FHIP2B: variants seen among roughly 807,000 people sequenced by gnomAD.
FHIP2B encodes the protein FHF complex subunit HOOK-interacting protein 2B.
In FHIP2B, 72 loss-of-function variants were observed where a neutral mutation model predicts 84.0. The ratio of observed to expected loss-of-function variants is 0.86; its 90% CI spans 0.71 to 1.04. FHIP2B has a LOEUF of 1.04. FHIP2B is among the 50% of genes least tolerant of loss of function. FHIP2B has a pLI of 0.00. For synonymous variants in FHIP2B, 497 were observed against 418.7 expected, an observed-to-expected ratio of 1.19 and a Z score of -2.28; for missense variants, 972 against 968.9, an observed-to-expected ratio of 1.00 and a Z score of -0.04.
Position 22,089,222 on chromosome 8 carries a change from T to C in FHIP2B, c.-32T>C. Reference sequence around the variant, plus strand: ...CCGCCTAGAGCGCTGCCGCCGCCGCTTTCGCCCGGGAGCCGGGGGCCGGGC... The same window carrying C: ...CCGCCTAGAGCGCTGCCGCCGCCGCCTTCGCCCGGGAGCCGGGGGCCGGGC... On this transcript the variant is annotated 5_prime_UTR_variant, in exon 1 of 17. Transcript: ENST00000289921. The C allele has an allele frequency of 9.5e-7, 1 of 1,057,742 alleles. No homozygotes were observed. The highest frequency in any genetic ancestry group is 1.1e-6 in the Non-Finnish European group (1 of 877,920). The allele number at this position is 1,057,742 out of a possible 1,614,324, so 65.5% of individuals were successfully genotyped here. A position where few individuals can be genotyped will look rare whatever the true frequency, so the allele number is the denominator to read the frequency against.
chr8:22,102,263 C>T lies in FHIP2B; in HGVS notation c.1940C>T (p.Pro647Leu), dbSNP rs762032351. The change falls in exon 15 of 17, where the codon CCG becomes CTG. Residue 647 changes from proline (P) to leucine (L), a missense_variant. Transcript: ENST00000289921. ...CATATTCATGAGTACCTGCTGGATC[C>T]GTACATCAGCCTGGCCCCCGGCTGC... ...HPHIHEYLLD[P>L]YISLAPGCRS... The T allele has an allele frequency of 1.9e-6, 3 of 1,613,214 alleles. No individual in the cohort carries two copies. The highest frequency in any genetic ancestry group is 2.2e-5 in the East Asian group (1 of 44,878).
At chr8:22,101,980 G>A (rs1209647525) in intron 14 of FHIP2B, 129 bp downstream of exon 14, 1 of 1,499,778 alleles carries the variant, frequency 6.7e-7, no homozygotes, top group Non-Finnish European at 8.9e-7. Flanking sequence ...CCCCAGGTGG[G>A]AAGCCCCGTC....
rs1307927231 is a variant in FHIP2B, at chr8:22,097,796, C to G, written c.482C>G (p.Ser161Cys). Residue 161 changes from serine to cysteine, a missense_variant, in exon 5 of 17, where the codon TCC becomes TGC. Coordinates refer to ENST00000289921, the MANE Select transcript of FHIP2B (RefSeq NM_022749.7). ...EEVQFTTVLC[S>C]KIQQDPELLA... ...GTGCAGTTCACCACCGTCCTCTGCT[C>G]CAAGATCCAGCAGGACCCAGAGCTG... 1.2e-6 allele frequency: 2 copies of G among 1,613,472 alleles called. No individual in the cohort carries two copies. Among genetic ancestry groups the G allele is most frequent in the Non-Finnish European group, 8.5e-7 (1 of 1,179,842 alleles).
rs747418804 is a variant in FHIP2B at position 22,101,427 on chromosome 8, T to C, written c.1617-13T>C. ...GAGCCGGGAGCGCCTCCACACCGGC[T>C]TCTATCTCTCAGTTTCCTGTGCCTG... On this transcript the variant is annotated splice_polypyrimidine_tract_variant and intron_variant, in intron 12 of 16. Transcript: ENST00000289921. 3 of 1,599,598 alleles carry C rather than the reference T, an allele frequency of 1.9e-6. No individual in the cohort carries two copies. The highest frequency in any genetic ancestry group is 2.7e-5 in the African/African-American group (2 of 74,646).
chr8:22,092,302 G>A (rs1347298203), intron 1 of FHIP2B, among the ~76,000 whole-genome samples: 6 of 152,210 alleles, frequency 3.9e-5, no homozygotes, highest in South Asian at 4.1e-4. Flanking sequence ...GCCAATGGCC[G>A]GGTGTGGTGG....
chr8:22,100,650 G>A lies in FHIP2B; in HGVS notation c.1398G>A (p.Gly466=), dbSNP rs764585365. 11 of 1,602,474 alleles carry A rather than the reference G, an allele frequency of 6.9e-6. No homozygotes were observed. Among genetic ancestry groups the A allele is most frequent in the Middle Eastern group, 1.7e-4 (1 of 6,006 alleles). Residue 466 remains glycine (G), a synonymous_variant, in exon 11 of 17, where the codon GGG becomes GGA. Transcript: ENST00000289921. ...FEELLQKPHE[G]IIHSLVLRNL... The stretch of plus-strand genomic sequence containing the variant: ...AGCTGCTGCAGAAGCCCCACGAGGG[G>A]ATCATCCACAGCCTGGTCCTGCGCA...
At position 22,102,536 on chromosome 8, in the gene FHIP2B, G is replaced by T. The variant is rs760318408; in HGVS notation, c.2001G>T (p.Gly667=). ...SLFSVLVRVI[G]DLMQRIQRVP... is the part of the protein sequence containing the mutation. ...TGTGATTCCCGCTGTAGGTGATCGG[G>T]GACTTGATGCAGAGAATCCAGAGGG... Residue 667 remains glycine (G), a synonymous_variant, in exon 16 of 17, where the codon GGG becomes GGT. Coordinates refer to ENST00000289921, the MANE Select transcript of FHIP2B (RefSeq NM_022749.7). 1 of 1,558,008 alleles carries T rather than the reference G, an allele frequency of 6.4e-7. No homozygotes were observed. The highest frequency in any genetic ancestry group is 2.4e-5 in the East Asian group (1 of 41,396).
Position 22,099,871 on chromosome 8 carries a change from A to C in FHIP2B, c.1319A>C (p.His440Pro), listed in dbSNP as rs755148403. The C allele has an allele frequency of 6.2e-7, 1 of 1,611,776 alleles. No homozygotes were observed. Among genetic ancestry groups the C allele is most frequent in the South Asian group, 1.1e-5 (1 of 90,608 alleles). Reference sequence around the variant, plus strand: ...ACCCTGTATGCTCATCTCATCGGGCATTGTGACCACCTCTCTGATGAGGTA... The same window carrying C: ...ACCCTGTATGCTCATCTCATCGGGCCTTGTGACCACCTCTCTGATGAGGTA... ...PHTLYAHLIG[H>P]CDHLSDEISI... is the part of the protein sequence containing the mutation. The change falls in exon 10 of 17, where the codon CAT becomes CCT. Residue 440 changes from histidine to proline, a missense_variant. By Grantham distance (77) the His-to-Pro change is moderately conservative (BLOSUM62 -2). Coordinates refer to ENST00000289921, the MANE Select transcript of FHIP2B (RefSeq NM_022749.7).
At chr8:22,091,496 G>A (rs1201271953) in intron 1 of FHIP2B, among the ~76,000 whole-genome samples, 1 of 152,058 alleles carries the variant, frequency 6.6e-6, no homozygotes, top group Non-Finnish European at 1.5e-5. Flanking sequence ...CACCTGCCTT[G>A]GCCTCCCAAA....
chr8:22,089,417 G>A, intron 1 of FHIP2B, 119 bp downstream of exon 1: 1 of 473,504 alleles, frequency 2.1e-6, no homozygotes, highest in Non-Finnish European at 2.7e-6. Flanking sequence ...CCTCGGGCAG[G>A]GACCCCCGGG....
chr8:22,089,638 C>T (rs1361526921), intron 1 of FHIP2B: 1 of 511,486 alleles, frequency 2.0e-6, no homozygotes, highest in Non-Finnish European at 3.1e-6. Flanking sequence ...GTTTCCTGCC[C>T]CCCGGGGCCC....
chr8:22,102,839 T>A lies in FHIP2B; in HGVS notation c.2140T>A (p.Phe714Ile). Residue 714 changes from phenylalanine to isoleucine, a missense_variant, in exon 17 of 17, where the codon TTC (phenylalanine) becomes ATC (isoleucine). Phe to Ile is a conservative substitution (Grantham distance 21). Coordinates refer to ENST00000289921, the MANE Select transcript of FHIP2B (RefSeq NM_022749.7). ...CCAGGGCGTGGTGGTGCTGGAGGAGTTCTGCAAGGAGCTGGCTGCCATTGC... is the reference window on the plus strand; with the variant it reads ...CCAGGGCGTGGTGGTGCTGGAGGAGATCTGCAAGGAGCTGGCTGCCATTGC... ...LLQGVVVLEEFCKELAAIAFV... is the reference protein window; with the variant it reads ...LLQGVVVLEEICKELAAIAFV... The A allele has an allele frequency of 6.2e-7, 1 of 1,613,116 alleles. No individual in the cohort carries two copies. The highest frequency in any genetic ancestry group is 8.5e-7 in the Non-Finnish European group (1 of 1,179,724).
chr8:22,100,832 C>T lies in FHIP2B; in HGVS notation c.1488-12C>T, dbSNP rs1208736157. 2 of 1,613,756 alleles carry T rather than the reference C, an allele frequency of 1.2e-6. No homozygotes were observed. Among genetic ancestry groups the T allele is most frequent in the African/African-American group, 2.7e-5 (2 of 74,916 alleles). On this transcript the variant is annotated splice_polypyrimidine_tract_variant and intron_variant, in intron 11 of 16. Coordinates refer to ENST00000289921, the MANE Select transcript of FHIP2B (RefSeq NM_022749.7). The stretch of plus-strand genomic sequence containing the variant: ...CATTCACTGGTGCCGTACTGCTCTG[C>T]CCTGGCCACAGAGACCTGGAGGAAG...
chr8:22,089,743 C>T (rs1238760844), intron 1 of FHIP2B: 1 of 1,261,484 alleles, frequency 7.9e-7, no homozygotes, highest in Non-Finnish European at 1.0e-6. Flanking sequence ...GTCCCTTCCC[C>T]TCGGTCTGAT....
At position 22,103,032 on chromosome 8, in the gene FHIP2B, T is replaced by G; in HGVS notation, c.*101T>G. The stretch of plus-strand genomic sequence containing the variant: ...CACTCCCCTCCTGGGATGGGGCTTC[T>G]GCTCCCGGGCTCACTCAAGGAGACT... On this transcript the variant is annotated 3_prime_UTR_variant, in exon 17 of 17. Transcript: ENST00000289921. 1 of 1,427,104 alleles carries G rather than the reference T, an allele frequency of 7.0e-7. No homozygotes were observed. The allele number at this position is 1,427,104 out of a possible 1,614,324, so 88.4% of individuals were successfully genotyped here. A position where few individuals can be genotyped will look rare whatever the true frequency, so the allele number is the denominator to read the frequency against.
chr8:22,095,550 A>G (rs1825719120), intron 2 of FHIP2B: 1 of 152,270 alleles, frequency 6.6e-6, no homozygotes, highest in Non-Finnish European at 1.5e-5. Flanking sequence ...CCACCAGCTC[A>G]GTAAGATCAG....
rs1825991431 is a variant in FHIP2B, at chr8:22,099,653, CAT to C, written c.1152-50_1152-49del. 8 of 1,516,610 alleles carry C rather than the reference CAT, an allele frequency of 5.3e-6. No individual in the cohort carries two copies. The Admixed American group carries it at 6.8e-5, about 13-fold the overall frequency. 93.9% of individuals were successfully genotyped at this position (1,516,610 alleles called of 1,614,324 possible). A position where few individuals can be genotyped will look rare whatever the true frequency, so the allele number is the denominator to read the frequency against. On this transcript the variant is annotated intron_variant, in intron 9 of 16. Coordinates refer to ENST00000289921, the MANE Select transcript of FHIP2B (RefSeq NM_022749.7). ...CAGGAAGGGTTCGGCCACCCGCACT[CAT>C]GTGCTGTCTGCACACACCGGGCCTG...
In FHIP2B at chr8:22,103,013, C is replaced by A; in HGVS notation, c.*82C>A. On this transcript the variant is annotated 3_prime_UTR_variant, in exon 17 of 17. Transcript: ENST00000289921. ...CTGCCTGGCACTGCCGCCACACTCCCCTCCTGGGATGGGGCTTCTGCTCCC... is the reference window on the plus strand; with the variant it reads ...CTGCCTGGCACTGCCGCCACACTCCACTCCTGGGATGGGGCTTCTGCTCCC... 6.7e-7 allele frequency: 1 copy of A among 1,502,042 alleles called. No homozygotes were observed. Among genetic ancestry groups the A allele is most frequent in the African/African-American group, 1.4e-5 (1 of 72,318 alleles). 93.0% of individuals were successfully genotyped at this position (1,502,042 alleles called of 1,614,324 possible).
rs973816025 is a variant in FHIP2B at position 22,103,312 on chromosome 8, G to A, written c.*381G>A. The A allele has an allele frequency of 1.1e-4, 22 of 201,456 alleles. No individual in the cohort carries two copies. Among genetic ancestry groups the A allele is most frequent in the African/African-American group, 1.9e-4 (8 of 42,860 alleles). 12.5% of individuals were successfully genotyped at this position (201,456 alleles called of 1,614,324 possible). A position where few individuals can be genotyped will look rare whatever the true frequency, so the allele number is the denominator to read the frequency against. On this transcript the variant is annotated 3_prime_UTR_variant, in exon 17 of 17. Transcript: ENST00000289921. The stretch of plus-strand genomic sequence containing the variant: ...AGATGGGGAGTGAGCTGATGGCTCC[G>A]AGACTGGTCAGGAGCCCAGGCCAGT...
Sources: allele counts gnomAD v4.1 joint callset (sites outside exome capture counted in the v4.1 genomes callset), GRCh38; gene constraint gnomAD v4.1.1; transcripts MANE v1.5; gene names NCBI Gene and HGNC (gene_info 2026-07-23, HGNC 2026-07-21).